CAMK2B: variants seen among roughly 807,000 people sequenced by gnomAD.
The protein encoded by CAMK2B is calcium/calmodulin-dependent protein kinase type II subunit beta.
CAMK2B carries 27 observed loss-of-function variants against 93.7 expected under a neutral mutation model. The ratio of observed to expected loss-of-function variants is 0.29; its 90% CI spans 0.21 to 0.40. The LOEUF (loss-of-function observed/expected upper bound fraction) is 0.40. CAMK2B is among the 10% of genes least tolerant of loss of function. The pLI is 1.00. For synonymous variants in CAMK2B, 374 were observed against 358.8 expected (o/e 1.04, Z -0.48); for missense variants, 568 against 895.8 (o/e 0.63, Z 4.67).
At chr7:44,266,494 C>T (rs1337991208) in intron 2 of CAMK2B, among the ~76,000 whole-genome samples, 4 of 152,256 alleles carry the variant, frequency 2.6e-5, no homozygotes, top group Non-Finnish European at 5.9e-5. Flanking sequence ...GAACCTCCAG[C>T]TCGGTCTTAT....
chr7:44,251,513 C>T lies in CAMK2B; in HGVS notation c.341+3029G>A, dbSNP rs375069630. On this transcript the variant is annotated intron_variant, in intron 5 of 23. Transcript: ENST00000395749. The stretch of plus-strand genomic sequence containing the variant: ...TGCTGAGGCTGTCGCACCAGCAGGG[C>T]CAACCCAGGAGGGGCTCTCCAGGAG... 2.6e-4 allele frequency among the ~76,000 whole-genome samples: 40 copies of T among 152,348 alleles called. No homozygotes were observed. In the South Asian group the frequency reaches 8.1e-3, roughly 31 times the overall value.
At chr7:44,314,347 A>G (rs1422692700) in intron 1 of CAMK2B, among the ~76,000 whole-genome samples, 1 of 152,182 alleles carries the variant, frequency 6.6e-6, no homozygotes, top group African/African-American at 2.4e-5. Flanking sequence ...TTTTCTGGAC[A>G]TTTCATAAAA....
At chr7:44,282,083 T>C (rs938946842) in intron 2 of CAMK2B, among the ~76,000 whole-genome samples, 4 of 152,160 alleles carry the variant, frequency 2.6e-5, no homozygotes, top group African/African-American at 4.8e-5. Flanking sequence ...TGTGTGAACA[T>C]GCACAGGTAC....
chr7:44,225,837 G>A lies in CAMK2B; in HGVS notation c.1597+679C>T. 1.6e-6 allele frequency: 2 copies of A among 1,289,396 alleles called. No homozygotes were observed. The highest frequency in any genetic ancestry group is 2.5e-5 in the South Asian group (2 of 81,030). The allele number at this position is 1,289,396 out of a possible 1,614,324, so 79.9% of individuals were successfully genotyped here. On this transcript the variant is annotated intron_variant, in intron 20 of 23. Coordinates refer to ENST00000395749, the MANE Select transcript of CAMK2B (RefSeq NM_001220.5). The surrounding 1 kb of genome is among the most constrained non-coding windows in gnomAD (Gnocchi z 5.0). ...TAAGAGTATCTCCACACCACCCCCA[G>A]TCTGGTGTCTCCCCACAGGTGGGGG...
chr7:44,271,670 G>C lies in CAMK2B; in HGVS notation c.161-8606C>G, dbSNP rs977958992. 1.3e-5 allele frequency among the ~76,000 whole-genome samples: 2 copies of C among 152,220 alleles called. No individual in the cohort carries two copies. Among genetic ancestry groups the C allele is most frequent in the African/African-American group, 4.8e-5 (2 of 41,454 alleles). On this transcript the variant is annotated intron_variant, in intron 2 of 23. Coordinates refer to ENST00000395749, the MANE Select transcript of CAMK2B (RefSeq NM_001220.5). The surrounding 1 kb of genome is among the most constrained non-coding windows in gnomAD (Gnocchi z 4.2). The stretch of plus-strand genomic sequence containing the variant: ...GGCAGCTGGGTGGGGACGAAGGAGT[G>C]GCTTCCAGCAGCCCCTCTCCTCTGA...
chr7:44,307,522 C>T (rs1584850777), intron 1 of CAMK2B, among the ~76,000 whole-genome samples: 1 of 152,078 alleles, frequency 6.6e-6, no homozygotes, highest in East Asian at 1.9e-4. Flanking sequence ...CATCTGGCCC[C>T]TGGCACTGGG....
chr7:44,239,798 C>A, intron 12 of CAMK2B, 135 bp from the exon 13 acceptor site: 1 of 665,680 alleles, frequency 1.5e-6, no homozygotes, highest in South Asian at 1.8e-5. Context: ...ACAGATGGTT[C>A]CAGAATCCTT....
intron 19 of CAMK2B, among the ~76,000 whole-genome samples, chr7:44,228,499 G>A (rs1220639992): frequency 6.6e-6 from 1 of 152,134 alleles, no homozygotes; most frequent in Non-Finnish European, 1.5e-5. Context: ...GGAGGGGCCA[G>A]GGCTGCCCAG....
At chr7:44,269,200 G>A (rs994399623) in intron 2 of CAMK2B, among the ~76,000 whole-genome samples, 6 of 152,190 alleles carry the variant, frequency 3.9e-5, no homozygotes, top group Non-Finnish European at 7.3e-5. Flanking sequence ...AGCTGCCAGG[G>A]CTGAAAGGGC....
intron 2 of CAMK2B, among the ~76,000 whole-genome samples, chr7:44,275,779 G>A (rs1261878411): frequency 2.0e-5 from 3 of 151,982 alleles, no homozygotes; most frequent in East Asian, 1.9e-4. Context: ...GGCATGCGGT[G>A]CCCCCACTGA....
intron 8 of CAMK2B, 55 bp downstream of exon 8, chr7:44,243,195 G>A: frequency 3.0e-6 from 4 of 1,321,338 alleles, no homozygotes; most frequent in Non-Finnish European, 4.3e-6. Context: ...GATGTAGGTG[G>A]GAAGTCCTGA....
intron 2 of CAMK2B, among the ~76,000 whole-genome samples, chr7:44,273,910 G>A (rs1761439332): frequency 1.3e-5 from 2 of 151,858 alleles, no homozygotes; most frequent in African/African-American, 2.4e-5. Context: ...CCGAGGCCAG[G>A]GAGCACAGTC....
intron 5 of CAMK2B, among the ~76,000 whole-genome samples, chr7:44,250,718 C>T (rs1584209976): frequency 1.3e-5 from 2 of 152,060 alleles, no homozygotes; most frequent in South Asian, 2.1e-4. Context: ...TTAATAGAGA[C>T]GGGGTTTCAC....
chr7:44,246,788 C>A (rs952456170), intron 6 of CAMK2B, among the ~76,000 whole-genome samples: 4 of 152,126 alleles, frequency 2.6e-5, no homozygotes, highest in Non-Finnish European at 5.9e-5. Context: ...TACACACGAA[C>A]CTCCATGTAC....
At chr7:44,289,011 C>G (rs1248751181) in intron 1 of CAMK2B, among the ~76,000 whole-genome samples, 1 of 152,170 alleles carries the variant, frequency 6.6e-6, no homozygotes, top group African/African-American at 2.4e-5. Flanking sequence ...GCAGGATGCC[C>G]CATCCGCCTC....
intron 1 of CAMK2B, among the ~76,000 whole-genome samples, chr7:44,292,668 A>G (rs932485365): frequency 6.6e-6 from 1 of 152,198 alleles, no homozygotes; most frequent in East Asian, 1.9e-4. Flanking sequence ...AGGGAGTATG[A>G]GGTGCATCCT....
chr7:44,253,916 T>A (rs2096805939), intron 5 of CAMK2B, among the ~76,000 whole-genome samples: 1 of 152,042 alleles, frequency 6.6e-6, no homozygotes, highest in East Asian at 1.9e-4. Context: ...TTTTTTTTTT[T>A]TTTTTAAATA....
intron 5 of CAMK2B, among the ~76,000 whole-genome samples, chr7:44,251,059 G>C (rs1177452145): frequency 1.3e-5 from 2 of 152,158 alleles, no homozygotes; most frequent in Admixed American, 1.3e-4. Context: ...AGAAATCTGT[G>C]AGCTGCTCCA....
intron 6 of CAMK2B, among the ~76,000 whole-genome samples, chr7:44,244,304 G>T (rs1199552424): frequency 6.6e-6 from 1 of 152,184 alleles, no homozygotes; most frequent in East Asian, 1.9e-4. Flanking sequence ...CAGCGGCCAA[G>T]GAGGCCTGGG....
Sources: gnomAD v4.1 joint callset for allele counts (sites outside exome capture counted in the v4.1 genomes callset) on GRCh38, gnomAD v4.1.1 for gene constraint, Gnocchi (gnomAD v3.1) non-coding constraint, MANE v1.5 for transcripts, NCBI Gene and HGNC (gene_info 2026-07-23, HGNC 2026-07-21) for gene names.